The following PLXNA4 variants were observed in gnomAD, a reference collection of about 807,000 sequenced individuals.
PLXNA4 encodes the protein plexin-A4.
In PLXNA4, 44 loss-of-function variants were observed where a neutral mutation model predicts 191.8. The ratio of observed to expected loss-of-function variants is 0.23; its 90% CI spans 0.18 to 0.29. The LOEUF (loss-of-function observed/expected upper bound fraction) is 0.29. Ranked by LOEUF, PLXNA4 falls within the 10% of genes least tolerant of loss-of-function variation. PLXNA4 has a pLI of 1.00. For missense variants in PLXNA4, 1,800 were observed against 2,488.8 expected (o/e 0.72, Z 5.89); for synonymous variants, 1,082 against 1,009.5 (o/e 1.07, Z -1.36).
At chr7:132,502,122 C>G (rs1262034307) in intron 2 of PLXNA4, among the ~76,000 whole-genome samples, 1 of 152,238 alleles carries the variant, frequency 6.6e-6, no homozygotes, top group Admixed American at 6.5e-5. Context: ...CCTGGGATGC[C>G]TGCCTGGCCA....
intron 3 of PLXNA4, among the ~76,000 whole-genome samples, chr7:132,380,632 A>G (rs1322821391): frequency 2.6e-5 from 4 of 152,234 alleles, no homozygotes; most frequent in African/African-American, 9.6e-5. Context: ...AGAGGCAGAA[A>G]AAGAGACAGG....
At chr7:132,469,311 G>A (rs1233337915) in intron 3 of PLXNA4, among the ~76,000 whole-genome samples, 39 of 152,170 alleles carry the variant, frequency 2.6e-4, no homozygotes, top group Admixed American at 2.6e-3. Context: ...TCACCTTGCA[G>A]GGTTGCTGTG....
intron 3 of PLXNA4, among the ~76,000 whole-genome samples, chr7:132,353,531 TCTC>T (rs1220794358): frequency 2.6e-5 from 4 of 152,140 alleles, no homozygotes; most frequent in African/African-American, 9.7e-5. Context: ...CTAGGAAGTT[TCTC>T]CTCCTAATAC....
At chr7:132,339,265 T>C (rs1802933980) in intron 3 of PLXNA4, among the ~76,000 whole-genome samples, 1 of 152,210 alleles carries the variant, frequency 6.6e-6, no homozygotes, top group South Asian at 2.1e-4. Context: ...TACCTACCTC[T>C]CATTTTGTAA....
At chr7:132,581,018 GTGTCACCACA>G (rs1802392907), upstream of PLXNA4, among the ~76,000 whole-genome samples, 1 of 152,222 alleles carries the variant, frequency 6.6e-6, no homozygotes, top group Non-Finnish European at 1.5e-5. Context: ...CTTTCTGCAT[GTGTCACCACA>G]TGTCCACAGC....
chr7:132,507,996 G>C lies in PLXNA4; in HGVS notation c.698C>G (p.Thr233Ser). The C allele has an allele frequency of 6.2e-7, 1 of 1,614,226 alleles. No homozygotes were observed. Among genetic ancestry groups the C allele is most frequent in the South Asian group, 1.1e-5 (1 of 91,080 alleles). ...ATCAAAGTCAGGGATGATGGTGAAG[G>C]TGTCCGAAGGGATCTTAATCATCGA... Reference protein sequence around the residue: ...VASMIKIPSDTFTIIPDFDIY... With the variant: ...VASMIKIPSDSFTIIPDFDIY... The change falls in exon 2 of 32, where the codon ACC (threonine) becomes AGC (serine). Residue 233 changes from threonine to serine, a missense_variant. Physicochemically the swap from Thr to Ser is moderately conservative, Grantham distance 58. Around this residue, in one of 6 missense-constraint regions of PLXNA4, gnomAD observed 1,397 missense variants for 1,880.4 expected, o/e 0.74. Transcript: ENST00000321063.
At chr7:132,239,450 C>T (rs901888372) in intron 5 of PLXNA4, among the ~76,000 whole-genome samples, 5 of 152,120 alleles carry the variant, frequency 3.3e-5, no homozygotes, top group Admixed American at 2.6e-4. Flanking sequence ...CCAGATTTTC[C>T]GATTGCCTTT....
At chr7:132,519,886 G>A (rs1446691040) in intron 1 of PLXNA4, among the ~76,000 whole-genome samples, 1 of 152,210 alleles carries the variant, frequency 6.6e-6, no homozygotes, top group Non-Finnish European at 1.5e-5. Context: ...TTCCCCATCT[G>A]TAAAATGGCG....
Position 132,489,366 on chromosome 7 carries a change from T to C in PLXNA4, c.1297A>G (p.Thr433Ala), listed in dbSNP as rs139356539. Residue 433 changes from threonine to alanine, a missense_variant, in exon 3 of 32, where the codon ACG becomes GCG. By Grantham distance (58) the Thr-to-Ala change is moderately conservative. Coordinates refer to ENST00000321063, the MANE Select transcript of PLXNA4 (RefSeq NM_020911.2). ...TTGTAGACATATGCGATGACAGACG[T>C]CATGCGGTCCCTGTCCTCCGTGAAG... ...PVFTEDRDRM[T>A]SVIAYVYKNH... is the part of the protein sequence containing the mutation. The C allele has an allele frequency of 3.4e-4, 547 of 1,606,816 alleles. No homozygotes were observed. Among genetic ancestry groups the C allele is most frequent in the Admixed American group, 4.8e-4 (29 of 59,916 alleles).
At chr7:132,403,056 T>TGTGG (rs1794061050) in intron 3 of PLXNA4, among the ~76,000 whole-genome samples, 1 of 152,214 alleles carries the variant, frequency 6.6e-6, no homozygotes, top group Non-Finnish European at 1.5e-5. Context: ...TGGCTCTCTG[T>TGTGG]GTGGTTCAGA....
chr7:132,557,766 G>A (rs908982841), intron 1 of PLXNA4, among the ~76,000 whole-genome samples: 2 of 152,114 alleles, frequency 1.3e-5, no homozygotes, highest in African/African-American at 4.8e-5. Flanking sequence ...TTGTATGGAA[G>A]AATAATCACC....
Position 132,401,454 on chromosome 7 carries a change from G to A in PLXNA4, c.1371+87838C>T, listed in dbSNP as rs565635852. ...ACCTTTGCTCATGAAGGTTGGGAAGGTGAGACACACACATGAAATCCAGAA... is the reference window on the plus strand; with the variant it reads ...ACCTTTGCTCATGAAGGTTGGGAAGATGAGACACACACATGAAATCCAGAA... On this transcript the variant is annotated intron_variant, in intron 3 of 31. Transcript: ENST00000321063. 2.6e-5 allele frequency among the ~76,000 whole-genome samples: 4 copies of A among 152,334 alleles called. No individual in the cohort carries two copies. In the South Asian group the frequency reaches 6.2e-4, roughly 24 times the overall value.
At chr7:132,627,645 A>G (rs1803406867) in intron 2 of PLXNA4, among the ~76,000 whole-genome samples, 1 of 152,182 alleles carries the variant, frequency 6.6e-6, no homozygotes, top group African/African-American at 2.4e-5. Context: ...TGCTTTTATA[A>G]AAGTGTTCAA....
chr7:132,295,648 T>TC (rs1801048637), intron 4 of PLXNA4, among the ~76,000 whole-genome samples: 1 of 152,090 alleles, frequency 6.6e-6, no homozygotes, highest in Non-Finnish European at 1.5e-5. Flanking sequence ...TGATGCGCTC[T>TC]CCCCCGGGAC....
chr7:132,626,669 G>T (rs1250342333), intron 2 of PLXNA4, among the ~76,000 whole-genome samples: 2 of 152,144 alleles, frequency 1.3e-5, no homozygotes, highest in Non-Finnish European at 2.9e-5. Flanking sequence ...GAAGACTGCA[G>T]AACCATGAGC....
chr7:132,328,627 T>G (rs954809425), intron 3 of PLXNA4, among the ~76,000 whole-genome samples: 4 of 152,032 alleles, frequency 2.6e-5, no homozygotes, highest in Non-Finnish European at 2.9e-5. Flanking sequence ...GGGTAATCAC[T>G]CCTTAGAGAG....
Position 132,631,169 on chromosome 7 carries a change from T to C in PLXNA4, c.-87+14759A>G, listed in dbSNP as rs551896931. Among the ~76,000 whole-genome samples the C allele has an allele frequency of 3.3e-5, 5 of 152,372 alleles. No individual in the cohort carries two copies. In the East Asian group the frequency reaches 9.6e-4, roughly 29 times the overall value. On this transcript the variant is annotated intron_variant, in intron 2 of 4. Coordinates refer to the PLXNA4 transcript ENST00000378539. ...TGTTCCATAATGGATCTGTTTGTTT[T>C]AATATAAGAATATTATTTTAAATTA...
At chr7:132,259,278 C>A (rs1312667879) in intron 4 of PLXNA4, among the ~76,000 whole-genome samples, 1 of 151,246 alleles carries the variant, frequency 6.6e-6, no homozygotes, top group Non-Finnish European at 1.5e-5. Context: ...GCTTAGAAAA[C>A]CAGCCCATCT....
chr7:132,423,469 G>A (rs1295287767), intron 3 of PLXNA4, among the ~76,000 whole-genome samples: 1 of 152,158 alleles, frequency 6.6e-6, no homozygotes, highest in Non-Finnish European at 1.5e-5. Context: ...TTTTGCTGAT[G>A]GATAAACTGA....
Sources: gnomAD v4.1 joint callset for allele counts (sites outside exome capture counted in the v4.1 genomes callset) on GRCh38, gnomAD v4.1.1 for gene constraint, gnomAD v4.1.1 regional missense constraint, MANE v1.5 for transcripts, NCBI Gene and HGNC (gene_info 2026-07-23, HGNC 2026-07-21) for gene names.